LIX1L: variants seen among roughly 807,000 people sequenced by gnomAD.
LIX1L encodes the protein limb and CNS expressed 1 like.
A neutral mutation model predicts 34.0 loss-of-function variants in LIX1L; 20 were observed. That is an observed-to-expected ratio of 0.59 (90% CI 0.41 to 0.85). The LOEUF is 0.85. LIX1L is among the 40% of genes least tolerant of loss of function. The pLI, the probability that LIX1L is intolerant of heterozygous loss-of-function variation, is 0.00. For synonymous variants in LIX1L, 170 were observed against 187.4 expected (o/e 0.91, Z 0.76); for missense variants, 397 against 447.0 (o/e 0.89, Z 1.01).
rs1260315917 is a variant in LIX1L, at chr1:145,935,178, A to AAT, written c.*1131_*1132insAT. Reference sequence around the variant, plus strand: ...TGAGACTCTGTCTTCCAAAAAAAAAAAAAAACCACACACACACACAAATAA... The same window carrying AAT: ...TGAGACTCTGTCTTCCAAAAAAAAAAATAAAAACCACACACACACACAAATAA... On this transcript the variant is annotated 3_prime_UTR_variant, in exon 6 of 6. Coordinates refer to ENST00000604000, the MANE Select transcript of LIX1L (RefSeq NM_153713.3). 1 of 151,976 alleles carries AAT rather than the reference A, an allele frequency of 6.6e-6. No homozygotes were observed. The highest frequency in any genetic ancestry group is 1.9e-4 in the East Asian group (1 of 5,196). The allele number at this position is 151,976 out of a possible 1,614,324, so 9.4% of individuals were successfully genotyped here.
At position 145,941,677 on chromosome 1, in the gene LIX1L, G is replaced by T. The variant is rs1203311595; in HGVS notation, c.597+1036C>A. Reference sequence around the variant, plus strand: ...ATGTAATTAAATTAAGTCAACTTGGGTTCTAATCTTGGCGTGACCAATTAC... The same window carrying T: ...ATGTAATTAAATTAAGTCAACTTGGTTTCTAATCTTGGCGTGACCAATTAC... On this transcript the variant is annotated intron_variant, in intron 3 of 5. Transcript: ENST00000604000. 2.6e-5 allele frequency among the ~76,000 whole-genome samples: 4 copies of T among 152,142 alleles called. No individual in the cohort carries two copies. The East Asian group carries it at 7.7e-4, about 29-fold the overall frequency.
Position 145,933,721 on chromosome 1 carries a change from A to G in LIX1L, c.*2589T>C, listed in dbSNP as rs1553757270. 3 of 152,120 alleles carry G rather than the reference A, an allele frequency of 2.0e-5. No homozygotes were observed. The highest frequency in any genetic ancestry group is 7.2e-5 in the African/African-American group (3 of 41,412). The allele number at this position is 152,120 out of a possible 1,614,324, so 9.4% of individuals were successfully genotyped here. On this transcript the variant is annotated 3_prime_UTR_variant, in exon 6 of 6. Transcript: ENST00000604000. ...TCAAACAGACACACCTGGTGTGTCT[A>G]GCTGTTTTTGCCTTTACTCCAACCC...
At chr1:145,952,199 A>G (rs1553759888) in intron 1 of LIX1L, among the ~76,000 whole-genome samples, 1 of 152,216 alleles carries the variant, frequency 6.6e-6, no homozygotes, top group Non-Finnish European at 1.5e-5. Flanking sequence ...CACAGGCTCC[A>G]AGGTCCAGTC....
intron 2 of LIX1L, among the ~76,000 whole-genome samples, chr1:145,943,163 C>A (rs1206438132): frequency 2.6e-5 from 4 of 152,210 alleles, no homozygotes; most frequent in Admixed American, 6.5e-5. Context: ...CCCGTTTAAA[C>A]TGTCGACAGA....
At chr1:145,939,522 G>C (rs1383003036) in intron 3 of LIX1L, among the ~76,000 whole-genome samples, 1 of 151,838 alleles carries the variant, frequency 6.6e-6, no homozygotes, top group Non-Finnish European at 1.5e-5. Flanking sequence ...GGCCAGTCTG[G>C]TCTCGAACTC....
At chr1:145,942,989 C>G in intron 2 of LIX1L, 136 bp from the exon 3 acceptor site, 1 of 846,886 alleles carries the variant, frequency 1.2e-6, no homozygotes, top group Non-Finnish European at 1.8e-6. Context: ...AACACACTTT[C>G]CAAGGTTTTT....
intron 2 of LIX1L, among the ~76,000 whole-genome samples, chr1:145,943,887 G>A (rs965266971): frequency 6.7e-6 from 1 of 148,872 alleles, no homozygotes; most frequent in Non-Finnish European, 1.5e-5. Context: ...AAAAAAAAAA[G>A]AAAAAATTAG....
chr1:145,940,740 G>T (rs12073557), intron 3 of LIX1L, among the ~76,000 whole-genome samples: 8 of 149,368 alleles, frequency 5.4e-5, no homozygotes, highest in Non-Finnish European at 5.9e-5. Context: ...TTTTAGTAGA[G>T]ACGGAGTTTC....
chr1:145,952,160 C>T (rs1159335085), intron 1 of LIX1L, among the ~76,000 whole-genome samples: 1 of 152,124 alleles, frequency 6.6e-6, no homozygotes, highest in Non-Finnish European at 1.5e-5. Context: ...TTCCGGGGGC[C>T]AATATTCTTT....
Position 145,938,090 on chromosome 1 carries a change from C to T in LIX1L, c.598-391G>A, listed in dbSNP as rs1648734118. Among the ~76,000 whole-genome samples the T allele has an allele frequency of 2.0e-5, 3 of 151,444 alleles. No individual in the cohort carries two copies. In the South Asian group the frequency reaches 6.3e-4, roughly 32 times the overall value. ...ATTGCAGAGATCGGGCTACTGCACTCCAGCCTGGACAACAGAGTGAGACTC... is the reference window on the plus strand; with the variant it reads ...ATTGCAGAGATCGGGCTACTGCACTTCAGCCTGGACAACAGAGTGAGACTC... On this transcript the variant is annotated intron_variant, in intron 3 of 5. Coordinates refer to ENST00000604000, the MANE Select transcript of LIX1L (RefSeq NM_153713.3).
At chr1:145,936,603 C>T (rs373156950) in intron 5 of LIX1L, 51 bp from the exon 6 acceptor site, 73 of 1,602,436 alleles carry the variant, frequency 4.6e-5, no homozygotes, top group Non-Finnish European at 5.8e-5. Flanking sequence ...AGGTTCATAT[C>T]ATACCACACT....
intron 1 of LIX1L, among the ~76,000 whole-genome samples, chr1:145,953,181 C>T (rs945010857): frequency 7.9e-5 from 12 of 152,104 alleles, no homozygotes; most frequent in Admixed American, 7.2e-4. Flanking sequence ...CTCCAAAATG[C>T]TGGGATTACA....
rs1553757554 is a variant in LIX1L, at chr1:145,935,044, G to C, written c.*1266C>G. 6.6e-6 allele frequency: 1 copy of C among 151,320 alleles called. No homozygotes were observed. Among genetic ancestry groups the C allele is most frequent in the Non-Finnish European group, 1.5e-5 (1 of 68,032 alleles). The allele number at this position is 151,320 out of a possible 1,614,324, so 9.4% of individuals were successfully genotyped here. A position where few individuals can be genotyped will look rare whatever the true frequency, so the allele number is the denominator to read the frequency against. ...TAGCCAGGCGTTGTGGCGTGTGCCT[G>C]TAATCCCAGCTACTCGGGAAGCTGA... On this transcript the variant is annotated 3_prime_UTR_variant, in exon 6 of 6. Transcript: ENST00000604000.
intron 3 of LIX1L, among the ~76,000 whole-genome samples, chr1:145,938,345 C>T (rs1173299876): frequency 6.6e-6 from 1 of 152,014 alleles, no homozygotes; most frequent in Non-Finnish European, 1.5e-5. Context: ...TTATGTAACC[C>T]TGCAGGGTTA....
intron 3 of LIX1L, chr1:145,942,066 TG>T (rs1303740188): frequency 1.3e-5 from 2 of 151,994 alleles, no homozygotes; most frequent in African/African-American, 2.4e-5. Flanking sequence ...TTTTATTTTT[TG>T]TAGAGACGGG....
rs1482822317 is a variant in LIX1L, at chr1:145,934,147, A to G, written c.*2163T>C. ...AATAATATAGTATAAATAAGAGATCACAGAGACAAGGGGGAAATATATATT... is the reference window on the plus strand; with the variant it reads ...AATAATATAGTATAAATAAGAGATCGCAGAGACAAGGGGGAAATATATATT... On this transcript the variant is annotated 3_prime_UTR_variant, in exon 6 of 6. Coordinates refer to ENST00000604000, the MANE Select transcript of LIX1L (RefSeq NM_153713.3). 1 of 149,698 alleles carries G rather than the reference A, an allele frequency of 6.7e-6. No individual in the cohort carries two copies. The highest frequency in any genetic ancestry group is 1.9e-4 in the East Asian group (1 of 5,166). The allele number at this position is 149,698 out of a possible 1,614,324, so 9.3% of individuals were successfully genotyped here. A position where few individuals can be genotyped will look rare whatever the true frequency, so the allele number is the denominator to read the frequency against.
chr1:145,947,970 C>T (rs1489318719), intron 1 of LIX1L, among the ~76,000 whole-genome samples, 188 bp from the exon 2 acceptor site: 1 of 152,156 alleles, frequency 6.6e-6, no homozygotes, highest in Non-Finnish European at 1.5e-5. Flanking sequence ...CCTAGAAAGA[C>T]CAGAGTAGGC....
chr1:145,942,266 A>G (rs1252751249), intron 3 of LIX1L: 1 of 154,290 alleles, frequency 6.5e-6, no homozygotes, highest in African/African-American at 2.4e-5. Flanking sequence ...TTGTTCCTAA[A>G]AAGACGTTTT....
chr1:145,957,983 C>A lies in LIX1L; in HGVS notation c.-56G>T. On this transcript the variant is annotated 5_prime_UTR_variant, in exon 1 of 6. Coordinates refer to ENST00000604000, the MANE Select transcript of LIX1L (RefSeq NM_153713.3). ...CCTGCCAGCCTGCCGAGCTAACGGTCCCAACCACCCCAGTCAGCTAGCGCC... is the reference window on the plus strand; with the variant it reads ...CCTGCCAGCCTGCCGAGCTAACGGTACCAACCACCCCAGTCAGCTAGCGCC... 8.1e-7 allele frequency: 1 copy of A among 1,238,614 alleles called. No individual in the cohort carries two copies. The highest frequency in any genetic ancestry group is 1.7e-5 in the South Asian group (1 of 57,526). The allele number at this position is 1,238,614 out of a possible 1,614,324, so 76.7% of individuals were successfully genotyped here.
Sources: gnomAD v4.1 joint callset for allele counts (sites outside exome capture counted in the v4.1 genomes callset) on GRCh38, gnomAD v4.1.1 for gene constraint, MANE v1.5 for transcripts, NCBI Gene and HGNC (gene_info 2026-07-23, HGNC 2026-07-21) for gene names.